ZFHX3: variants seen among roughly 807,000 people sequenced by gnomAD.
ZFHX3 encodes zinc finger homeobox 3, also known as zinc finger homeobox protein 3.
ZFHX3 carries 42 observed loss-of-function variants against 279.1 expected under a neutral mutation model. That is an observed-to-expected ratio of 0.15 (90% CI 0.12 to 0.19). ZFHX3 has a LOEUF of 0.19. ZFHX3 is among the 10% of genes least tolerant of loss of function. ZFHX3 has a pLI of 1.00. For missense variants in ZFHX3, 4,981 were observed against 4,754.0 expected (o/e 1.05, Z -1.40); for synonymous variants, 2,293 against 1,957.8 (o/e 1.17, Z -4.52).
At chr16:73,124,881 T>C (rs1966543796) in intron 7 of ZFHX3, among the ~76,000 whole-genome samples, 1 of 152,152 alleles carries the variant, frequency 6.6e-6, no homozygotes. Context: ...TGCAGTGACA[T>C]GGCTGGGAGG....
At chr16:73,203,279 TGGAA>T (rs1027907558) in intron 5 of ZFHX3, among the ~76,000 whole-genome samples, 8 of 152,212 alleles carry the variant, frequency 5.3e-5, no homozygotes, top group African/African-American at 9.6e-5. Flanking sequence ...GATAAATGGC[TGGAA>T]GGAAGGAAGG....
At chr16:73,741,944 A>T (rs1186302052) in intron 1 of ZFHX3, among the ~76,000 whole-genome samples, 2 of 152,192 alleles carry the variant, frequency 1.3e-5, no homozygotes, top group Non-Finnish European at 2.9e-5. Context: ...AACCTTAATC[A>T]TTTACAAAGT....
At chr16:73,707,007 G>T (rs7198729) in intron 1 of ZFHX3, among the ~76,000 whole-genome samples, 136,890 of 152,302 alleles carry the variant, frequency 0.9, 61,898 homozygotes, top group Non-Finnish European at 0.95. Context: ...TTAAATCAAA[G>T]AAGCTGGATA....
intron 7 of ZFHX3, among the ~76,000 whole-genome samples, chr16:73,120,472 C>T (rs1966483224): frequency 6.6e-6 from 1 of 151,946 alleles, no homozygotes; most frequent in Non-Finnish European, 1.5e-5. Context: ...CAGGGTCTCA[C>T]TCCATTGCCC....
At chr16:73,223,492 G>C (rs1000723466) in intron 5 of ZFHX3, among the ~76,000 whole-genome samples, 1 of 152,090 alleles carries the variant, frequency 6.6e-6, no homozygotes, top group African/African-American at 2.4e-5. Flanking sequence ...ATATCATCAA[G>C]AAAGTGCAAA....
chr16:73,785,929 G>A (rs1182377637), intron 1 of ZFHX3, among the ~76,000 whole-genome samples: 2 of 151,808 alleles, frequency 1.3e-5, no homozygotes, highest in African/African-American at 2.4e-5. Flanking sequence ...GGAGTGCAAT[G>A]GTGCGATCTT....
At chr16:73,738,148 C>T (rs11866030) in intron 1 of ZFHX3, among the ~76,000 whole-genome samples, 5,032 of 152,178 alleles carry the variant, frequency 0.033, 296 homozygotes, top group African/African-American at 0.11. Flanking sequence ...CACTTTTATC[C>T]CTGTAAGTTT....
chr16:73,020,598 G>A (rs755639268), intron 1 of ZFHX3, among the ~76,000 whole-genome samples: 2 of 152,172 alleles, frequency 1.3e-5, no homozygotes, highest in South Asian at 4.1e-4. Flanking sequence ...AGTGCTTGTC[G>A]ACCATGACTC....
intron 1 of ZFHX3, among the ~76,000 whole-genome samples, chr16:73,756,482 C>A (rs2053810356): frequency 6.6e-6 from 1 of 152,108 alleles, no homozygotes; most frequent in African/African-American, 2.4e-5. Context: ...TCTTCTTCCC[C>A]TTCCTGGCAA....
chr16:73,666,042 T>G (rs1274289225), intron 2 of ZFHX3, among the ~76,000 whole-genome samples: 1 of 151,510 alleles, frequency 6.6e-6, no homozygotes, highest in Admixed American at 6.6e-5. Context: ...GGTCTCGATC[T>G]CCTGACCTTG....
At chr16:72,800,249 C>CT in intron 7 of ZFHX3, 120 bp from the exon 8 acceptor site, 1 of 724,560 alleles carries the variant, frequency 1.4e-6, no homozygotes, top group Non-Finnish European at 2.3e-6. Context: ...AGGTGTCTCA[C>CT]TTTTCATAGC....
At chr16:73,418,152 C>T (rs1325695763) in intron 3 of ZFHX3, among the ~76,000 whole-genome samples, 1 of 152,156 alleles carries the variant, frequency 6.6e-6, no homozygotes, top group Non-Finnish European at 1.5e-5. Context: ...TCGCTATTTC[C>T]CTTTTGGGTT....
chr16:73,458,306 T>TCCCTCCCTTCC (rs2018409972), intron 2 of ZFHX3, among the ~76,000 whole-genome samples: 7 of 141,804 alleles, frequency 4.9e-5, no homozygotes, highest in African/African-American at 1.5e-4. Flanking sequence ...CTTTCCTTCT[T>TCCCTCCCTTCC]TCCCTCCCTT....
At chr16:73,256,191 C>A (rs1325228047) in intron 5 of ZFHX3, among the ~76,000 whole-genome samples, 2 of 152,040 alleles carry the variant, frequency 1.3e-5, no homozygotes, top group Non-Finnish European at 2.9e-5. Context: ...CAATTGCAGT[C>A]AAGGGAGGCA....
chr16:72,795,202 A>G lies in ZFHX3; in HGVS notation c.7480T>C (p.Leu2494=). 6.2e-7 allele frequency: 1 copy of G among 1,604,076 alleles called. No individual in the cohort carries two copies. The highest frequency in any genetic ancestry group is 8.5e-7 in the Non-Finnish European group (1 of 1,175,850). ...GAAGGACTGGGGCTCGACTGGGGTA[A>G]GGGGCACTGTGGAGGGGGCGCTTGT... is the stretch of plus-strand genomic sequence containing the variant. ...PPQAPPPQCP[L]PQSSPSPSQL... Residue 2494 remains leucine (L), a synonymous_variant, in exon 9 of 10, where the codon TTA becomes CTA. Coordinates refer to ENST00000268489, the MANE Select transcript of ZFHX3 (RefSeq NM_006885.4).
At chr16:73,503,130 A>G (rs565692437) in intron 2 of ZFHX3, among the ~76,000 whole-genome samples, 134 of 152,296 alleles carry the variant, frequency 8.8e-4, no homozygotes, top group African/African-American at 3.2e-3. Context: ...CAGCATTCAC[A>G]CCACACGATC....
chr16:72,861,851 C>T (rs960955776), intron 4 of ZFHX3, among the ~76,000 whole-genome samples: 4 of 152,064 alleles, frequency 2.6e-5, no homozygotes, highest in Admixed American at 1.3e-4. Flanking sequence ...CCCACCTCTA[C>T]TAAAAATACA....
At chr16:73,026,926 G>A (rs778776660) in intron 1 of ZFHX3, among the ~76,000 whole-genome samples, 7 of 152,172 alleles carry the variant, frequency 4.6e-5, no homozygotes, top group Non-Finnish European at 7.4e-5. Flanking sequence ...CTAGACTAGG[G>A]TTGGCAAACT....
At chr16:73,858,095 C>CAA (rs111695031) in intron 1 of ZFHX3, among the ~76,000 whole-genome samples, 3,158 of 132,336 alleles carry the variant, frequency 0.024, 99 homozygotes, top group African/African-American at 0.074. Flanking sequence ...GATTCTGTCT[C>CAA]AAAAAAAAAA....
Sources: gnomAD v4.1 joint callset for allele counts (sites outside exome capture counted in the v4.1 genomes callset) on GRCh38, gnomAD v4.1.1 for gene constraint, MANE v1.5 for transcripts, NCBI Gene and HGNC (gene_info 2026-07-23, HGNC 2026-07-21) for gene names.